Variants in GPD2 observed in about 807,000 individuals in gnomAD.
GPD2 encodes the protein glycerol-3-phosphate dehydrogenase 2, also known as glycerol-3-phosphate dehydrogenase, mitochondrial.
GPD2 carries 54 observed loss-of-function variants against 82.4 expected under a neutral mutation model. The observed-to-expected ratio is 0.66, with a 90% CI of 0.53 to 0.82. The LOEUF is 0.82. Ranked by LOEUF, GPD2 falls within the 40% of genes least tolerant of loss-of-function variation. GPD2 has a pLI of 0.00. For missense variants in GPD2, 748 were observed against 896.2 expected, an observed-to-expected ratio of 0.83 and a Z score of 2.11; for synonymous variants, 288 against 306.1, an observed-to-expected ratio of 0.94 and a Z score of 0.62.
intron 1 of GPD2, among the ~76,000 whole-genome samples, chr2:156,453,889 C>A (rs915437435): frequency 3.3e-5 from 5 of 151,814 alleles, no homozygotes; most frequent in African/African-American, 1.2e-4. Context: ...AAACAAAAAA[C>A]AAAACAAAAA....
At chr2:156,568,436 T>G (rs1273672881) in intron 9 of GPD2, among the ~76,000 whole-genome samples, 3 of 152,132 alleles carry the variant, frequency 2.0e-5, no homozygotes, top group African/African-American at 7.2e-5. Context: ...GGAAGATGTA[T>G]TCTAGAAGGA....
chr2:156,466,345 A>G (rs1011433345), intron 1 of GPD2, among the ~76,000 whole-genome samples: 3 of 152,224 alleles, frequency 2.0e-5, no homozygotes, highest in Non-Finnish European at 4.4e-5. Flanking sequence ...GAAAGCAAAC[A>G]TAATAGAAAC....
At position 156,533,940 on chromosome 2, in the gene GPD2, T is replaced by C. The variant is rs74740011; in HGVS notation, c.662-15668T>C. 9.3e-3 allele frequency among the ~76,000 whole-genome samples: 1,413 copies of C among 152,344 alleles called. 25 individuals carry two copies. Among genetic ancestry groups the C allele is most frequent in the African/African-American group, 0.032 (1,323 of 41,586 alleles). ...GTGACTCCTGAAGCCCCAGTGGGCATGTCACAATGCTCCTTTAGCTCTGCC... is the reference window on the plus strand; with the variant it reads ...GTGACTCCTGAAGCCCCAGTGGGCACGTCACAATGCTCCTTTAGCTCTGCC... On this transcript the variant is annotated intron_variant, in intron 6 of 16. Coordinates refer to ENST00000438166, the MANE Select transcript of GPD2 (RefSeq NM_000408.5).
At chr2:156,451,825 C>T (rs1313030469) in intron 1 of GPD2, among the ~76,000 whole-genome samples, 4 of 151,576 alleles carry the variant, frequency 2.6e-5, no homozygotes, top group South Asian at 2.1e-4. Context: ...GGCTGCCAGG[C>T]GGAGGGGCTC....
chr2:156,572,414 C>A (rs1431250881), intron 13 of GPD2, among the ~76,000 whole-genome samples: 1 of 152,106 alleles, frequency 6.6e-6, no homozygotes, highest in African/African-American at 2.4e-5. Context: ...CAACTTCCAT[C>A]ACCCTGATTC....
At chr2:156,454,657 T>A (rs2105163271) in intron 1 of GPD2, among the ~76,000 whole-genome samples, 1 of 152,252 alleles carries the variant, frequency 6.6e-6, no homozygotes, top group South Asian at 2.1e-4. Context: ...TTAATGGAAT[T>A]TGCTGGGGAT....
At chr2:156,568,981 TTTTC>T in intron 10 of GPD2, 22 bp downstream of exon 10, 1 of 1,532,360 alleles carries the variant, frequency 6.5e-7, no homozygotes. Flanking sequence ...TACCTTGTTA[TTTTC>T]TTTTCTTTTT....
intron 6 of GPD2, among the ~76,000 whole-genome samples, chr2:156,523,624 C>A (rs922805785): frequency 5.9e-5 from 9 of 152,104 alleles, no homozygotes; most frequent in Non-Finnish European, 1.5e-5. Context: ...TAAGAACTCT[C>A]TTTCAAACAC....
In GPD2 at chr2:156,502,620, T is replaced by C. The variant is rs559030851; in HGVS notation, c.274+6405T>C. 2.0e-5 allele frequency among the ~76,000 whole-genome samples: 3 copies of C among 152,148 alleles called. No homozygotes were observed. The South Asian group carries it at 6.2e-4, about 32-fold the overall frequency. On this transcript the variant is annotated intron_variant, in intron 3 of 16. Transcript: ENST00000438166. ...TTTTAAATTTTTTGTAGAGATGAGG[T>C]CTTGCTGCATTGCCAGGCTGGTCTA...
At chr2:156,517,482 T>C (rs1345935124) in intron 6 of GPD2, among the ~76,000 whole-genome samples, 1 of 152,266 alleles carries the variant, frequency 6.6e-6, no homozygotes, top group Non-Finnish European at 1.5e-5. Context: ...CCTCCAGTTG[T>C]ATTTCCTTCT....
intron 1 of GPD2, among the ~76,000 whole-genome samples, chr2:156,446,388 G>A (rs1444841599): frequency 6.6e-6 from 1 of 152,018 alleles, no homozygotes; most frequent in East Asian, 1.9e-4. Flanking sequence ...GAGCCACTGC[G>A]CCTGGCCTTA....
At chr2:156,577,741 T>C (rs1432413940) in intron 13 of GPD2, among the ~76,000 whole-genome samples, 1 of 152,190 alleles carries the variant, frequency 6.6e-6, no homozygotes, top group Non-Finnish European at 1.5e-5. Context: ...AAAATCTCAG[T>C]GGCTCATCGC....
At chr2:156,464,940 T>G (rs1479881198) in intron 1 of GPD2, among the ~76,000 whole-genome samples, 2 of 152,016 alleles carry the variant, frequency 1.3e-5, no homozygotes, top group Non-Finnish European at 2.9e-5. Flanking sequence ...AGCCTCCACC[T>G]CCTGGGTTCA....
At chr2:156,542,490 A>G (rs1573982005) in intron 6 of GPD2, among the ~76,000 whole-genome samples, 1 of 152,194 alleles carries the variant, frequency 6.6e-6, no homozygotes, top group African/African-American at 2.4e-5. Flanking sequence ...TCTATACTAG[A>G]ATACATTTTC....
chr2:156,433,756 T>A (rs1276273298), upstream of GPD2, among the ~76,000 whole-genome samples: 1 of 152,212 alleles, frequency 6.6e-6, no homozygotes, highest in Non-Finnish European at 1.5e-5. Context: ...TGACATAGTA[T>A]GGATTGGACC....
At chr2:156,531,590 C>T (rs991434078) in intron 6 of GPD2, among the ~76,000 whole-genome samples, 4 of 152,214 alleles carry the variant, frequency 2.6e-5, no homozygotes, top group South Asian at 2.1e-4. Context: ...CCACAGATGT[C>T]GTGTGGCACC....
At chr2:156,542,068 G>C (rs1415946782) in intron 6 of GPD2, among the ~76,000 whole-genome samples, 17 of 152,002 alleles carry the variant, frequency 1.1e-4, no homozygotes, top group Admixed American at 1.1e-3. Flanking sequence ...ACTTTTTCAA[G>C]AGAGGAAAGT....
At chr2:156,499,509 G>C (rs1295793904) in intron 3 of GPD2, among the ~76,000 whole-genome samples, 1 of 152,124 alleles carries the variant, frequency 6.6e-6, no homozygotes, top group Non-Finnish European at 1.5e-5. Flanking sequence ...TTCAAGTGCA[G>C]TAATAATAAG....
At chr2:156,511,537 CTCTT>C (rs1684998062) in intron 4 of GPD2, among the ~76,000 whole-genome samples, 7 of 152,052 alleles carry the variant, frequency 4.6e-5, no homozygotes, top group Admixed American at 4.6e-4. Flanking sequence ...TTGAATCTGT[CTCTT>C]TTTTTTTCTT....
Sources: allele counts gnomAD v4.1 joint callset (sites outside exome capture counted in the v4.1 genomes callset), GRCh38; gene constraint gnomAD v4.1.1; transcripts MANE v1.5; gene names NCBI Gene and HGNC (gene_info 2026-07-23, HGNC 2026-07-21).